Variants in SNX6 observed in about 807,000 individuals in gnomAD.
The protein encoded by SNX6 is sorting nexin-6.
SNX6 carries 34 observed loss-of-function variants against 63.0 expected under a neutral mutation model. The ratio of observed to expected loss-of-function variants is 0.54; its 90% CI spans 0.41 to 0.72. SNX6 has a LOEUF of 0.72. SNX6 is among the 30% of genes least tolerant of loss of function. The pLI is 0.00. For synonymous variants in SNX6, 170 were observed against 164.2 expected (o/e 1.04, Z -0.27); for missense variants, 398 against 471.4 (o/e 0.84, Z 1.44).
chr14:34,626,276 A>C (rs1883820356), intron 2 of SNX6, among the ~76,000 whole-genome samples: 1 of 152,044 alleles, frequency 6.6e-6, no homozygotes, highest in African/African-American at 2.4e-5. Context: ...TCCATATTAA[A>C]ATTTTCATCT....
In SNX6 at chr14:34,605,627, C is replaced by A; in HGVS notation, c.361G>T (p.Glu121Ter). 6.3e-7 allele frequency: 1 copy of A among 1,596,402 alleles called. No homozygotes were observed. The highest frequency in any genetic ancestry group is 1.1e-5 in the South Asian group (1 of 87,008). Reference protein sequence around the residue: ...GEGEGSMTKEEFTKMKQELEA... With the variant: ...GEGEGSMTKE ...AGTTCCTGTTTCATCTTTGTGAATT[C>A]TTCCTTCGTCATTGACCCTTCTCCT... Residue 121 changes from glutamate to a stop codon, truncating the protein, a stop_gained, in exon 5 of 14, where the codon GAA (glutamate) becomes TAA (stop). Transcript: ENST00000362031. LOFTEE classifies it high-confidence loss of function.
At chr14:34,588,690 A>G (rs1415207785) in intron 8 of SNX6, among the ~76,000 whole-genome samples, 2 of 152,222 alleles carry the variant, frequency 1.3e-5, no homozygotes, top group African/African-American at 4.8e-5. Flanking sequence ...CAGTGGAAAT[A>G]TGCTATATTA....
At chr14:34,613,633 AT>A (rs1419198151) in intron 2 of SNX6, among the ~76,000 whole-genome samples, 3 of 151,826 alleles carry the variant, frequency 2.0e-5, no homozygotes. Flanking sequence ...TCTACTAAAA[AT>A]ACAAAAAAAT....
intron 2 of SNX6, among the ~76,000 whole-genome samples, chr14:34,610,352 C>CAAAA (rs35289170): frequency 1.3e-5 from 1 of 77,688 alleles, no homozygotes; most frequent in Non-Finnish European, 2.3e-5. Flanking sequence ...AAAACCGTCT[C>CAAAA]AAAAAAAAAA....
In SNX6 at chr14:34,593,170, T is replaced by C; in HGVS notation, c.613-20A>G. On this transcript the variant is annotated intron_variant, in intron 7 of 13. Coordinates refer to ENST00000362031, the MANE Select transcript of SNX6 (RefSeq NM_152233.4). ...TACATCCTATAAGATCAAAAGAAAA[T>C]ATAAACTTTTTTCACTTATTTGCTT... The C allele has an allele frequency of 6.7e-7, 1 of 1,484,650 alleles. No individual in the cohort carries two copies. Among genetic ancestry groups the C allele is most frequent in the Admixed American group, 2.2e-5 (1 of 45,160 alleles). The allele number at this position is 1,484,650 out of a possible 1,614,324, so 92.0% of individuals were successfully genotyped here. A position where few individuals can be genotyped will look rare whatever the true frequency, so the allele number is the denominator to read the frequency against.
intron 2 of SNX6, among the ~76,000 whole-genome samples, chr14:34,615,623 T>C (rs1264084556): frequency 6.6e-6 from 1 of 152,196 alleles, no homozygotes; most frequent in African/African-American, 2.4e-5. Context: ...TTTCTTTTTT[T>C]TTCCCCTTGA....
rs1883083979 is a variant in SNX6 at position 34,607,953 on chromosome 14, T to TTCC, written c.270+76_270+77insGGA. ...CAAAAAAACAGTTCACAAAAAATGC[T>TTCC]AAACAAGATTCCAAAACATAACGAA... On this transcript the variant is annotated intron_variant, in intron 4 of 13. Transcript: ENST00000362031. 6.9e-6 allele frequency: 5 copies of TTCC among 722,656 alleles called. No individual in the cohort carries two copies. The East Asian group carries it at 1.1e-4, about 16-fold the overall frequency. 44.8% of individuals were successfully genotyped at this position (722,656 alleles called of 1,614,324 possible).
intron 4 of SNX6, 30 bp from the exon 5 acceptor site, chr14:34,605,747 G>A: frequency 6.3e-7 from 1 of 1,581,296 alleles, no homozygotes; most frequent in Non-Finnish European, 8.5e-7. Context: ...CTAATTTTAA[G>A]GAAATTTTCA....
At chr14:34,583,445 T>TTTC (rs1882026148) in intron 9 of SNX6, among the ~76,000 whole-genome samples, 5 of 151,890 alleles carry the variant, frequency 3.3e-5, no homozygotes, top group African/African-American at 9.7e-5. Flanking sequence ...TTCTTTTTTT[T>TTTC]TTTTTTGAGA....
chr14:34,596,975 A>G (rs1451212181), intron 7 of SNX6, among the ~76,000 whole-genome samples: 1 of 152,174 alleles, frequency 6.6e-6, no homozygotes, highest in African/African-American at 2.4e-5. Context: ...CCCGGCCTCA[A>G]CTGAGATCTT....
chr14:34,592,522 A>G (rs10130504), intron 8 of SNX6, among the ~76,000 whole-genome samples: 58,641 of 152,038 alleles, frequency 0.39, 11,777 homozygotes, highest in Non-Finnish European at 0.43. Context: ...CAACATGGTG[A>G]AAAAGGCAAA....
chr14:34,567,692 A>G lies in SNX6; in HGVS notation c.1161T>C (p.His387=). Residue 387 remains histidine, a synonymous_variant, in exon 13 of 14, where the codon CAT becomes CAC. Coordinates refer to ENST00000362031, the MANE Select transcript of SNX6 (RefSeq NM_152233.4). ...ATCTTTATTACAACACTACCTTTGC[A>G]TGCTTCAGTTCTAACTCTGCCAGTT... ...LVELAELELK[H]AKGNLQLLQN... is the part of the protein sequence containing the mutation. 6.2e-7 allele frequency: 1 copy of G among 1,611,662 alleles called. No individual in the cohort carries two copies. Among genetic ancestry groups the G allele is most frequent in the Non-Finnish European group, 8.5e-7 (1 of 1,177,948 alleles).
chr14:34,593,738 AT>A (rs200541680), intron 7 of SNX6, among the ~76,000 whole-genome samples: 14 of 144,226 alleles, frequency 9.7e-5, no homozygotes, highest in Admixed American at 7.0e-5. Context: ...CGCCCAGCTA[AT>A]TTTTTTTTTT....
chr14:34,600,727 C>T (rs967336056), intron 6 of SNX6, among the ~76,000 whole-genome samples: 6 of 152,076 alleles, frequency 3.9e-5, no homozygotes, highest in African/African-American at 1.4e-4. Context: ...GCACTATGAA[C>T]GAAGAAATCT....
At chr14:34,565,986 G>A (rs992122544) in intron 13 of SNX6, among the ~76,000 whole-genome samples, 2 of 152,084 alleles carry the variant, frequency 1.3e-5, no homozygotes, top group East Asian at 3.9e-4. Context: ...ACCACGCCTG[G>A]CTGATTTTTG....
At chr14:34,587,441 G>T (rs1413021893) in intron 8 of SNX6, among the ~76,000 whole-genome samples, 8 of 144,050 alleles carry the variant, frequency 5.6e-5, no homozygotes, top group Non-Finnish European at 1.2e-4. Flanking sequence ...GCTGTGGCAG[G>T]AGAATGGCGT....
At chr14:34,628,909 T>C (rs1883929356) in intron 2 of SNX6, among the ~76,000 whole-genome samples, 1 of 151,982 alleles carries the variant, frequency 6.6e-6, no homozygotes, top group Non-Finnish European at 1.5e-5. Flanking sequence ...CTATAAAGAT[T>C]ACCACCCTTC....
At chr14:34,581,457 G>A (rs1881931364) in intron 10 of SNX6, 104 bp downstream of exon 10, 1 of 634,750 alleles carries the variant, frequency 1.6e-6, no homozygotes, top group African/African-American at 1.8e-5. Flanking sequence ...GGCCAATAGT[G>A]ATCACTCTTT....
At position 34,565,018 on chromosome 14, in the gene SNX6, TTTAC is replaced by T. The variant is rs926844441; in HGVS notation, c.1168-1847_1168-1844del. ...GAACTTGGCTGCGTTCCAATAAAAT[TTTAC>T]TTACGGATACTTAAATCTGAATTTC... is the stretch of plus-strand genomic sequence containing the variant. On this transcript the variant is annotated intron_variant, in intron 13 of 13. Transcript: ENST00000362031. Among the ~76,000 whole-genome samples the T allele has an allele frequency of 3.1e-4, 47 of 151,828 alleles. 1 individual carries two copies. The highest frequency in any genetic ancestry group is 1.3e-4 in the Admixed American group (2 of 15,202).
Sources: allele counts gnomAD v4.1 joint callset (sites outside exome capture counted in the v4.1 genomes callset), GRCh38; gene constraint gnomAD v4.1.1; transcripts MANE v1.5; gene names NCBI Gene and HGNC (gene_info 2026-07-23, HGNC 2026-07-21).